UGT2B4: variants seen among roughly 807,000 people sequenced by gnomAD.
UGT2B4 encodes UDP-glucuronosyltransferase 2B4.
UGT2B4 carries 49 observed loss-of-function variants against 49.8 expected under a neutral mutation model. That is an observed-to-expected ratio of 0.98 (90% CI 0.78 to 1.25). The LOEUF is 1.25. Among genes scored for constraint, UGT2B4 ranks in the 50% most tolerant of loss-of-function variants. UGT2B4 has a pLI of 0.00. For synonymous variants in UGT2B4, 246 were observed against 217.7 expected (o/e 1.13, Z -1.14); for missense variants, 729 against 627.7 (o/e 1.16, Z -1.73).
At chr4:69,502,088 TCTC>T (rs1728335005) in intron 1 of UGT2B4, among the ~76,000 whole-genome samples, 1 of 26,808 alleles carries the variant, frequency 3.7e-5, no homozygotes, top group Non-Finnish European at 7.6e-5. Flanking sequence ...TCTTTCTTTC[TCTC>T]TCTTTCTTTC....
Position 69,485,310 on chromosome 4 carries a change from A to G in UGT2B4, c.1208T>C (p.Ile403Thr). 6.2e-7 allele frequency: 1 copy of G among 1,614,048 alleles called. No homozygotes were observed. Among genetic ancestry groups the G allele is most frequent in the Non-Finnish European group, 8.5e-7 (1 of 1,179,944 alleles). Residue 403 changes from isoleucine (I) to threonine (T), a missense_variant, in exon 5 of 6, where the codon ATT (isoleucine) becomes ACT (threonine). Coordinates refer to ENST00000305107, the MANE Select transcript of UGT2B4 (RefSeq NM_021139.3). ...TGCTCCCTTGGCCTTCATGTGTGCAATGTTATCAGGTTGATCTGCAAACAA... is the reference window on the plus strand; with the variant it reads ...TGCTCCCTTGGCCTTCATGTGTGCAGTGTTATCAGGTTGATCTGCAAACAA... ...VPLFADQPDN[I>T]AHMKAKGAAV...
chr4:69,481,392 T>C (rs556804529), intron 5 of UGT2B4, among the ~76,000 whole-genome samples: 1 of 152,322 alleles, frequency 6.6e-6, no homozygotes, highest in South Asian at 2.1e-4. Context: ...TTAATTTGAG[T>C]CATCATAGAA....
intron 1 of UGT2B4, among the ~76,000 whole-genome samples, chr4:69,508,137 A>C (rs1442835904): frequency 6.6e-6 from 1 of 152,236 alleles, no homozygotes; most frequent in African/African-American, 2.4e-5. Flanking sequence ...AATTAAAACC[A>C]CAATGAGATA....
intron 1 of UGT2B4, among the ~76,000 whole-genome samples, chr4:69,513,916 A>G (rs1728668684): frequency 6.6e-6 from 1 of 152,106 alleles, no homozygotes; most frequent in Admixed American, 6.5e-5. Context: ...ATTTTTGCAT[A>G]TTGATTTTAT....
intron 1 of UGT2B4, among the ~76,000 whole-genome samples, chr4:69,503,826 A>G (rs1728403103): frequency 6.6e-6 from 1 of 152,172 alleles, no homozygotes; most frequent in African/African-American, 2.4e-5. Context: ...ACACCTCTGC[A>G]TTCACTAGCA....
At chr4:69,517,239 C>G (rs28628787) in intron 1 of UGT2B4, among the ~76,000 whole-genome samples, 27,909 of 151,838 alleles carry the variant, frequency 0.18, 2,623 homozygotes, top group Middle Eastern at 0.26. Context: ...GCCCTCCCCC[C>G]CAAGAAATAT....
intron 1 of UGT2B4, among the ~76,000 whole-genome samples, chr4:69,494,394 T>C (rs1430797042): frequency 6.6e-6 from 1 of 152,166 alleles, no homozygotes; most frequent in Admixed American, 6.6e-5. Context: ...TAGGTAAATA[T>C]GTTTGCAAAT....
chr4:69,481,009 C>T (rs1234004798), intron 5 of UGT2B4, 99 bp from the exon 6 acceptor site: 62 of 1,273,802 alleles, frequency 4.9e-5, no homozygotes, highest in Admixed American at 2.4e-5. Flanking sequence ...GAGGTCGAGG[C>T]GGGCGGATCA....
chr4:69,487,516 C>T (rs1032565965), intron 3 of UGT2B4, among the ~76,000 whole-genome samples: 1 of 152,098 alleles, frequency 6.6e-6, no homozygotes, highest in African/African-American at 2.4e-5. Flanking sequence ...ACCACATGCC[C>T]TCACTTATAA....
chr4:69,489,667 C>A, intron 2 of UGT2B4, 97 bp from the exon 3 acceptor site: 2 of 1,486,976 alleles, frequency 1.3e-6, no homozygotes, highest in South Asian at 1.3e-5. Flanking sequence ...CAAGTTTTAT[C>A]AGGAATTATT....
chr4:69,507,575 CACAA>C (rs1307566923), intron 1 of UGT2B4, among the ~76,000 whole-genome samples: 4 of 152,152 alleles, frequency 2.6e-5, no homozygotes, highest in African/African-American at 7.2e-5. Context: ...TTAGAGATGA[CACAA>C]ACAAATAGAA....
upstream of UGT2B4, among the ~76,000 whole-genome samples, chr4:69,497,954 A>G (rs1728208883): frequency 6.6e-6 from 1 of 152,214 alleles, no homozygotes; most frequent in Admixed American, 6.5e-5. Context: ...AACTACTAGC[A>G]GTCACTACTC....
chr4:69,510,394 T>A (rs2082336), intron 1 of UGT2B4, among the ~76,000 whole-genome samples: 1 of 151,914 alleles, frequency 6.6e-6, no homozygotes, highest in East Asian at 1.9e-4. Flanking sequence ...TCTAATTTTA[T>A]AAAAAATGTC....
intron 1 of UGT2B4, among the ~76,000 whole-genome samples, chr4:69,511,164 TGTTTTAG>T (rs998680570): frequency 1.3e-5 from 2 of 151,658 alleles, no homozygotes; most frequent in Non-Finnish European, 2.9e-5. Context: ...CTAATTTTTG[TGTTTTAG>T]TAGAGATGGG....
chr4:69,484,900 CAA>C (rs1226924758), intron 5 of UGT2B4, among the ~76,000 whole-genome samples: 29 of 152,016 alleles, frequency 1.9e-4, no homozygotes, highest in African/African-American at 7.0e-4. Context: ...TATATTACGT[CAA>C]GTTTATCTTT....
intron 1 of UGT2B4, among the ~76,000 whole-genome samples, chr4:69,513,669 T>C (rs1000187125): frequency 2.0e-5 from 3 of 152,220 alleles, no homozygotes; most frequent in East Asian, 3.8e-4. Flanking sequence ...CTTTGGGCAA[T>C]ATGGCCATTT....
intron 4 of UGT2B4, 55 bp downstream of exon 4, chr4:69,486,554 A>T: frequency 8.0e-7 from 1 of 1,254,378 alleles, no homozygotes; most frequent in Non-Finnish European, 1.1e-6. Context: ...GATAACTATT[A>T]ACACTTTAAT....
upstream of UGT2B4, among the ~76,000 whole-genome samples, chr4:69,497,462 C>CTA: frequency 6.6e-6 from 1 of 152,172 alleles, no homozygotes; most frequent in Non-Finnish European, 1.5e-5. Context: ...AACATAATGT[C>CTA]TCATTGTAAT....
intron 3 of UGT2B4, among the ~76,000 whole-genome samples, chr4:69,488,454 A>G (rs1292052876): frequency 6.6e-6 from 1 of 152,190 alleles, no homozygotes; most frequent in African/African-American, 2.4e-5. Flanking sequence ...ATCAGTGTTA[A>G]AGTAACTTTG....
Sources: allele counts gnomAD v4.1 joint callset (sites outside exome capture counted in the v4.1 genomes callset), GRCh38; gene constraint gnomAD v4.1.1; transcripts MANE v1.5; gene names NCBI Gene and HGNC (gene_info 2026-07-23, HGNC 2026-07-21).